The following PALLD variants were observed in gnomAD, a reference collection of about 807,000 sequenced individuals.
The protein encoded by PALLD is palladin, cytoskeletal associated protein.
Under a neutral mutation model 123.5 loss-of-function variants are expected in PALLD, and 61 were observed. The ratio of observed to expected loss-of-function variants is 0.49; its 90% CI spans 0.40 to 0.61. PALLD has a LOEUF of 0.61. Ranked by LOEUF, PALLD falls within the 20% of genes least tolerant of loss-of-function variation. PALLD has a pLI of 0.00. For synonymous variants in PALLD, 465 were observed against 496.4 expected, an observed-to-expected ratio of 0.94 and a Z score of 0.84; for missense variants, 1,273 against 1,377.0, an observed-to-expected ratio of 0.92 and a Z score of 1.20.
intron 2 of PALLD, among the ~76,000 whole-genome samples, chr4:168,625,378 G>T (rs1775134602): frequency 6.6e-6 from 1 of 151,454 alleles, no homozygotes; most frequent in Non-Finnish European, 1.5e-5. Context: ...AGGCAAATGG[G>T]GCTATATCAA....
intron 3 of PALLD, among the ~76,000 whole-genome samples, chr4:168,680,358 C>T (rs1334108950): frequency 1.3e-5 from 2 of 150,808 alleles, no homozygotes; most frequent in Non-Finnish European, 3.0e-5. Flanking sequence ...CGAGGTGGCA[C>T]ATGCCTGTAA....
intron 10 of PALLD, among the ~76,000 whole-genome samples, chr4:168,793,739 C>T (rs1451286435): frequency 6.6e-6 from 1 of 152,152 alleles, no homozygotes; most frequent in African/African-American, 2.4e-5. Context: ...GCCCATCTTT[C>T]CCTCCCACAG....
At chr4:168,546,279 A>G (rs1416524103) in intron 2 of PALLD, among the ~76,000 whole-genome samples, 1 of 151,522 alleles carries the variant, frequency 6.6e-6, no homozygotes, top group Non-Finnish European at 1.5e-5. Context: ...ATCGGAAGCC[A>G]GTAAAAAATT....
intron 10 of PALLD, among the ~76,000 whole-genome samples, chr4:168,867,452 T>C (rs933115458): frequency 4.6e-5 from 7 of 152,240 alleles, no homozygotes; most frequent in South Asian, 2.1e-4. Context: ...TACAAACTTA[T>C]GGAGTTTTAT....
intron 10 of PALLD, among the ~76,000 whole-genome samples, chr4:168,874,167 C>G (rs981315256): frequency 6.6e-6 from 1 of 152,168 alleles, no homozygotes; most frequent in Non-Finnish European, 1.5e-5. Flanking sequence ...TCACAATGAC[C>G]CCACAAGCTA....
chr4:168,696,594 GA>G (rs1165200019), intron 8 of PALLD, among the ~76,000 whole-genome samples: 1 of 151,820 alleles, frequency 6.6e-6, no homozygotes, highest in Non-Finnish European at 1.5e-5. Flanking sequence ...GGTTTGCAAA[GA>G]GAGGAAAATG....
At chr4:168,529,167 T>G (rs537954414) in intron 2 of PALLD, among the ~76,000 whole-genome samples, 6 of 152,206 alleles carry the variant, frequency 3.9e-5, no homozygotes, top group African/African-American at 1.4e-4. Flanking sequence ...AAACTTCATC[T>G]CTACTAAAAA....
At chr4:168,755,416 A>G (rs1259431243) in intron 10 of PALLD, among the ~76,000 whole-genome samples, 1 of 149,672 alleles carries the variant, frequency 6.7e-6, no homozygotes, top group Non-Finnish European at 1.5e-5. Flanking sequence ...CACGTTTTTA[A>G]GCCGTGAGTG....
chr4:168,520,931 G>A (rs1198701346), intron 2 of PALLD, among the ~76,000 whole-genome samples: 1 of 152,206 alleles, frequency 6.6e-6, no homozygotes, highest in Non-Finnish European at 1.5e-5. Flanking sequence ...TTGGTATCTA[G>A]TCATGAGTAG....
At chr4:168,741,980 G>A (rs114600565) in intron 10 of PALLD, among the ~76,000 whole-genome samples, 2,320 of 152,292 alleles carry the variant, frequency 0.015, 64 homozygotes, top group African/African-American at 0.051. Flanking sequence ...GCTGCATTTT[G>A]ACATGTCCCA....
Position 168,911,290 on chromosome 4 carries a change from T to C in PALLD, c.2623-2637T>C, listed in dbSNP as rs1560907031. ...CCATACCTCCTTTTCCAAATTCAAG[T>C]TTAAGTCTGAATTTAACTTACATTA... On this transcript the variant is annotated intron_variant, in intron 15 of 21. Coordinates refer to ENST00000505667, the MANE Select transcript of PALLD (RefSeq NM_001166108.2). Among the ~76,000 whole-genome samples, 3 of 152,228 alleles carry C rather than the reference T, an allele frequency of 2.0e-5. No individual in the cohort carries two copies. In the South Asian group the frequency reaches 6.2e-4, roughly 32 times the overall value.
chr4:168,682,840 A>G (rs571050891), intron 4 of PALLD, among the ~76,000 whole-genome samples, 158 bp from the exon 5 acceptor site: 4 of 152,020 alleles, frequency 2.6e-5, no homozygotes, highest in African/African-American at 9.6e-5. Flanking sequence ...ATGCATTCCC[A>G]TTGTGGAAGC....
At chr4:168,867,212 A>AAGTG (rs1455919313) in intron 10 of PALLD, among the ~76,000 whole-genome samples, 1 of 152,180 alleles carries the variant, frequency 6.6e-6, no homozygotes, top group Non-Finnish European at 1.5e-5. Flanking sequence ...TTAGAGGGAA[A>AAGTG]AGTGCTTAAA....
chr4:168,816,924 C>G (rs1204467225), intron 10 of PALLD, among the ~76,000 whole-genome samples: 1 of 149,286 alleles, frequency 6.7e-6, no homozygotes, highest in Admixed American at 6.7e-5. Context: ...AGGCTGCAAG[C>G]TTGGCAGAAT....
chr4:168,637,254 C>T (rs1026151066), intron 2 of PALLD, among the ~76,000 whole-genome samples: 4 of 151,996 alleles, frequency 2.6e-5, no homozygotes, highest in East Asian at 3.9e-4. Context: ...TCCCTGAAGA[C>T]GGTGCCTAGG....
intron 10 of PALLD, among the ~76,000 whole-genome samples, chr4:168,742,178 A>T (rs1477869743): frequency 6.6e-6 from 1 of 152,188 alleles, no homozygotes; most frequent in African/African-American, 2.4e-5. Context: ...TTTAATGTAG[A>T]GGTCGTGGCT....
rs143124048 is a variant in PALLD, at chr4:168,774,266, T to C, written c.1964+62343T>C. On this transcript the variant is annotated intron_variant, in intron 10 of 21. Coordinates refer to ENST00000505667, the MANE Select transcript of PALLD (RefSeq NM_001166108.2). ...CCCCTGCCACCTTCAAAGTCAGCAT[T>C]GTATTAACTTATAGTACTTACATCC... Among the ~76,000 whole-genome samples, 89 of 152,312 alleles carry C rather than the reference T, an allele frequency of 5.8e-4. No individual in the cohort carries two copies. In the East Asian group the frequency reaches 0.015, roughly 25 times the overall value.
chr4:168,872,805 C>T lies in PALLD; in HGVS notation c.1965-18117C>T, dbSNP rs191180457. ...GACCTTCATGCAGTGGACCTAGCTT[C>T]TGTGATATGAAGATATCAATTGAGC... On this transcript the variant is annotated intron_variant, in intron 10 of 21. Coordinates refer to ENST00000505667, the MANE Select transcript of PALLD (RefSeq NM_001166108.2). 1.7e-3 allele frequency among the ~76,000 whole-genome samples: 266 copies of T among 152,248 alleles called. 1 individual carries two copies. The highest frequency in any genetic ancestry group is 5.9e-3 in the African/African-American group (243 of 41,524).
chr4:168,873,784 T>G (rs1751390322), intron 10 of PALLD, among the ~76,000 whole-genome samples: 2 of 152,164 alleles, frequency 1.3e-5, no homozygotes, highest in African/African-American at 2.4e-5. Context: ...TGATGGTGAA[T>G]TTTTTAAATG....
Sources: allele counts gnomAD v4.1 joint callset (sites outside exome capture counted in the v4.1 genomes callset), GRCh38; gene constraint gnomAD v4.1.1; transcripts MANE v1.5; gene names NCBI Gene and HGNC (gene_info 2026-07-23, HGNC 2026-07-21).